ARHGAP8: variants seen among roughly 807,000 people sequenced by gnomAD.
ARHGAP8 encodes Rho GTPase activating protein 8, also known as rho GTPase-activating protein 8.
ARHGAP8 carries 62 observed loss-of-function variants against 46.1 expected under a neutral mutation model. The ratio of observed to expected loss-of-function variants is 1.34; its 90% confidence interval spans 1.10 to 1.66. ARHGAP8 has a LOEUF of 1.66. Ranked by LOEUF, ARHGAP8 falls within the 40% of genes most tolerant of loss-of-function variation. The probability of loss-of-function intolerance (pLI) is 0.00; values close to 1 mark genes in which losing one functional copy is unlikely to be tolerated. For synonymous variants in ARHGAP8, 375 were observed against 243.1 expected (o/e 1.54, Z -5.05); for missense variants, 923 against 568.4 (o/e 1.62, Z -6.34).
At chr22:44,861,266 C>A (rs1181067217) in intron 11 of ARHGAP8, among the ~76,000 whole-genome samples, 1 of 152,192 alleles carries the variant, frequency 6.6e-6, no homozygotes, top group African/African-American at 2.4e-5. Flanking sequence ...AGCCACTGCA[C>A]CCAGCCTACT....
intron 1 of ARHGAP8, among the ~76,000 whole-genome samples, chr22:44,763,491 CA>C (rs370437700): frequency 0.12 from 9,254 of 78,282 alleles, 169 homozygotes; most frequent in African/African-American, 0.14. Flanking sequence ...GACTCTGTCT[CA>C]AAAAAAAAAA....
At chr22:44,808,579 C>A in intron 4 of ARHGAP8, 141 bp downstream of exon 4, 1 of 1,460,662 alleles carries the variant, frequency 6.8e-7, no homozygotes, top group Non-Finnish European at 9.2e-7. Flanking sequence ...AAATGTGGGG[C>A]AGTGGAGGTT....
intron 10 of ARHGAP8, 199 bp from the exon 11 acceptor site, chr22:44,859,532 T>C (rs1441145986): frequency 1.7e-6 from 1 of 599,548 alleles, no homozygotes; most frequent in Admixed American, 2.9e-5. Flanking sequence ...AATAACCCCA[T>C]CTCAGCAAGA....
chr22:44,842,957 G>A (rs1183205193), intron 7 of ARHGAP8, among the ~76,000 whole-genome samples: 1 of 152,172 alleles, frequency 6.6e-6, no homozygotes, highest in Non-Finnish European at 1.5e-5. Context: ...TGATGAGAAT[G>A]TATGCCATGG....
chr22:44,801,351 C>G (rs1237644293), intron 2 of ARHGAP8, among the ~76,000 whole-genome samples: 1 of 112,984 alleles, frequency 8.9e-6, no homozygotes, highest in Non-Finnish European at 1.8e-5. Flanking sequence ...CACCTCTCCC[C>G]GCAGCTGTCT....
At chr22:44,826,045 C>T (rs1400873484) in intron 7 of ARHGAP8, among the ~76,000 whole-genome samples, 1 of 152,024 alleles carries the variant, frequency 6.6e-6, no homozygotes, top group African/African-American at 2.4e-5. Flanking sequence ...CCCTGCCCTC[C>T]GGGTACACAG....
intron 3 of ARHGAP8, among the ~76,000 whole-genome samples, chr22:44,806,668 G>A (rs576847816): frequency 2.0e-5 from 3 of 152,024 alleles, no homozygotes; most frequent in Admixed American, 1.3e-4. Context: ...GAAATCAAAC[G>A]CACAGGCCGG....
intron 7 of ARHGAP8, among the ~76,000 whole-genome samples, chr22:44,837,129 C>T (rs1214259718): frequency 6.6e-6 from 1 of 152,204 alleles, no homozygotes; most frequent in Non-Finnish European, 1.5e-5. Flanking sequence ...AGGTGATCCG[C>T]CCACCTTGGC....
At chr22:44,769,418 A>C (rs1925837659) in intron 1 of ARHGAP8, among the ~76,000 whole-genome samples, 4 of 147,568 alleles carry the variant, frequency 2.7e-5, no homozygotes, top group Admixed American at 2.7e-4. Context: ...TCTTTTTTGC[A>C]ATTGTTTTTG....
chr22:44,762,543 C>CTTTTTTTTTTTTTTTTTTT (rs11293128), intron 1 of ARHGAP8, among the ~76,000 whole-genome samples: 1 of 120,344 alleles, frequency 8.3e-6, no homozygotes, highest in Non-Finnish European at 1.7e-5. Context: ...CTCTCTCTCT[C>CTTTTTTTTTTTTTTTTTTT]TTTTTTTTTT....
At chr22:44,781,157 G>A (rs1410751451) in intron 1 of ARHGAP8, among the ~76,000 whole-genome samples, 1 of 152,172 alleles carries the variant, frequency 6.6e-6, no homozygotes, top group East Asian at 1.9e-4. Flanking sequence ...ACGACCCGCC[G>A]CTCTGGAAGA....
At chr22:44,836,188 C>A (rs989234769) in intron 7 of ARHGAP8, among the ~76,000 whole-genome samples, 2 of 152,120 alleles carry the variant, frequency 1.3e-5, no homozygotes, top group Non-Finnish European at 2.9e-5. Context: ...CCACCTCATA[C>A]CAAATCACAA....
chr22:44,845,010 T>TG (rs2069918203), intron 7 of ARHGAP8, among the ~76,000 whole-genome samples: 1 of 152,154 alleles, frequency 6.6e-6, no homozygotes, highest in South Asian at 2.1e-4. Flanking sequence ...AGTTGCCCCC[T>TG]GGGGAAGCCC....
At chr22:44,834,882 G>C (rs1244062580) in intron 7 of ARHGAP8, among the ~76,000 whole-genome samples, 1 of 151,986 alleles carries the variant, frequency 6.6e-6, no homozygotes, top group Non-Finnish European at 1.5e-5. Context: ...AACAATTTTT[G>C]TGTTAAAGTC....
At chr22:44,759,136 C>G (rs1298469737) in intron 1 of ARHGAP8, among the ~76,000 whole-genome samples, 2 of 152,160 alleles carry the variant, frequency 1.3e-5, no homozygotes, top group Admixed American at 1.3e-4. Flanking sequence ...CCTTGGATCC[C>G]GGGGTCTGTC....
At chr22:44,822,350 C>T (rs752014327) in intron 5 of ARHGAP8, 21 bp from the exon 6 acceptor site, 2 of 1,574,714 alleles carry the variant, frequency 1.3e-6, no homozygotes, top group Non-Finnish European at 1.7e-6. Flanking sequence ...GTTCTTTATT[C>T]TCTTGCTTCT....
intron 1 of ARHGAP8, among the ~76,000 whole-genome samples, chr22:44,775,654 C>T (rs891334350): frequency 2.6e-5 from 4 of 151,606 alleles, no homozygotes; most frequent in Non-Finnish European, 2.9e-5. Context: ...TTCATCATGT[C>T]GGCTGGGCTG....
intron 7 of ARHGAP8, among the ~76,000 whole-genome samples, chr22:44,838,140 A>AT (rs61131873): frequency 0.16 from 23,404 of 143,378 alleles, 1,969 homozygotes; most frequent in East Asian, 0.31. Context: ...TGCCTGGCTA[A>AT]TTTTTTTTTT....
intron 1 of ARHGAP8, among the ~76,000 whole-genome samples, chr22:44,756,218 G>A (rs115023376): frequency 1.5e-3 from 225 of 152,162 alleles, no homozygotes; most frequent in African/African-American, 5.1e-3. Context: ...GTAGCTCCCC[G>A]CTCCCTTCCC....
Sources: allele counts gnomAD v4.1 joint callset (sites outside exome capture counted in the v4.1 genomes callset), GRCh38; gene constraint gnomAD v4.1.1; transcripts MANE v1.5; gene names NCBI Gene and HGNC (gene_info 2026-07-23, HGNC 2026-07-21).